The following MAGI2 variants were observed in gnomAD, a reference collection of about 807,000 sequenced individuals.
The protein encoded by MAGI2 is membrane-associated guanylate kinase, WW and PDZ domain-containing protein 2.
MAGI2 carries 35 observed loss-of-function variants against 133.3 expected under a neutral mutation model. The observed-to-expected ratio is 0.26, with a 90% confidence interval of 0.20 to 0.35. The LOEUF (loss-of-function observed/expected upper bound fraction) is 0.35, where lower values mean the gene tolerates loss of function less well. MAGI2 is among the 10% of genes least tolerant of loss of function. The pLI, the probability that MAGI2 is intolerant of heterozygous loss-of-function variation, is 1.00. For synonymous variants in MAGI2, 729 were observed against 710.6 expected (o/e 1.03, Z -0.41); for missense variants, 1,636 against 1,863.4 (o/e 0.88, Z 2.25).
At chr7:78,765,235 T>C (rs190268825) in intron 2 of MAGI2, among the ~76,000 whole-genome samples, 1 of 152,270 alleles carries the variant, frequency 6.6e-6, no homozygotes, top group Admixed American at 6.5e-5. Flanking sequence ...GTGAAGAGAA[T>C]TGCTCTTTGT....
At chr7:78,487,044 C>G (rs1382994709) in intron 6 of MAGI2, 1 of 493,964 alleles carries the variant, frequency 2.0e-6, no homozygotes, top group African/African-American at 1.9e-5. Context: ...GACCAATACA[C>G]TGAGGCAGGG....
chr7:78,874,848 C>T (rs531753656), intron 2 of MAGI2, among the ~76,000 whole-genome samples: 3 of 152,214 alleles, frequency 2.0e-5, no homozygotes, highest in Non-Finnish European at 4.4e-5. Flanking sequence ...GATCATTACA[C>T]ATTGTAACAA....
At chr7:78,514,086 C>CAAAAAA (rs67534111) in intron 4 of MAGI2, among the ~76,000 whole-genome samples, 1 of 47,198 alleles carries the variant, frequency 2.1e-5, no homozygotes, top group African/African-American at 8.8e-5. Flanking sequence ...GAAACTGTCT[C>CAAAAAA]AAAAAAAAAA....
chr7:78,282,342 CCAAGAGTCAG>C (rs1795697554), intron 9 of MAGI2, among the ~76,000 whole-genome samples: 1 of 152,078 alleles, frequency 6.6e-6, no homozygotes, highest in Non-Finnish European at 1.5e-5. Flanking sequence ...TTCTCTTAGA[CCAAGAGTCAG>C]CAAACTGTGA....
At chr7:78,289,129 C>T (rs1796443404) in intron 9 of MAGI2, among the ~76,000 whole-genome samples, 2 of 152,168 alleles carry the variant, frequency 1.3e-5, no homozygotes, top group Non-Finnish European at 2.9e-5. Context: ...CAGAAGTAGG[C>T]TTCAGATGAT....
At chr7:78,090,843 C>T (rs1362493909) in intron 20 of MAGI2, among the ~76,000 whole-genome samples, 2 of 152,138 alleles carry the variant, frequency 1.3e-5, no homozygotes, top group Admixed American at 1.3e-4. Context: ...AATAACCATG[C>T]CTTTGTTGGC....
chr7:79,347,895 G>A (rs1360699636), intron 1 of MAGI2, among the ~76,000 whole-genome samples: 1 of 151,880 alleles, frequency 6.6e-6, no homozygotes, highest in East Asian at 1.9e-4. Context: ...TACTAGTGCT[G>A]TATTATTTAG....
chr7:78,124,861 C>CTTTTTTTTTTTTT (rs10707820), intron 20 of MAGI2, among the ~76,000 whole-genome samples: 3 of 137,430 alleles, frequency 2.2e-5, no homozygotes, highest in Non-Finnish European at 4.7e-5. Flanking sequence ...TAGCTGCTGT[C>CTTTTTTTTTTTTT]TTTTTTTTTT....
chr7:79,393,111 T>A (rs535685913), intron 1 of MAGI2, among the ~76,000 whole-genome samples: 1 of 152,316 alleles, frequency 6.6e-6, no homozygotes, highest in African/African-American at 2.4e-5. Context: ...GGAAACTTGA[T>A]CATAATCTTT....
intron 1 of MAGI2, among the ~76,000 whole-genome samples, chr7:79,306,391 G>C (rs1006880050): frequency 6.7e-6 from 1 of 149,372 alleles, no homozygotes; most frequent in Non-Finnish European, 1.5e-5. Context: ...CAAACTCTTC[G>C]GCTTAAGTGA....
intron 1 of MAGI2, among the ~76,000 whole-genome samples, chr7:79,288,321 A>G (rs1391205261): frequency 6.6e-6 from 1 of 152,192 alleles, no homozygotes; most frequent in African/African-American, 2.4e-5. Flanking sequence ...TCTATAAAAC[A>G]TAATAGTGCC....
At chr7:79,301,383 G>A (rs1837386845) in intron 1 of MAGI2, among the ~76,000 whole-genome samples, 1 of 152,230 alleles carries the variant, frequency 6.6e-6, no homozygotes, top group Admixed American at 6.5e-5. Context: ...AATGTGCCCT[G>A]GATGTGGGAC....
chr7:78,360,952 G>A (rs113571291), intron 7 of MAGI2, among the ~76,000 whole-genome samples: 2 of 152,256 alleles, frequency 1.3e-5, no homozygotes, highest in Admixed American at 6.5e-5. Flanking sequence ...TTCCTGGGAC[G>A]TCAAGGGGTC....
chr7:79,165,671 T>C (rs1824837371), intron 1 of MAGI2, among the ~76,000 whole-genome samples: 2 of 152,100 alleles, frequency 1.3e-5, no homozygotes, highest in South Asian at 2.1e-4. Flanking sequence ...CAGACACATA[T>C]TTCCTGTAGT....
At position 78,865,356 on chromosome 7, in the gene MAGI2, G is replaced by C. The variant is rs140656444; in HGVS notation, c.418+141734C>G. Among the ~76,000 whole-genome samples the C allele has an allele frequency of 2.4e-3, 364 of 152,246 alleles. 3 individuals carry two copies. The highest frequency in any genetic ancestry group is 8.3e-3 in the African/African-American group (345 of 41,560). On this transcript the variant is annotated intron_variant, in intron 2 of 21. Coordinates refer to ENST00000354212, the MANE Select transcript of MAGI2 (RefSeq NM_012301.4). The stretch of plus-strand genomic sequence containing the variant: ...GAGTGCTTTGTGAGGAAGACCATTA[G>C]TCAAGGAGCTCTTAAAGGAAATTTG...
At chr7:78,093,098 T>C (rs1460707574) in intron 20 of MAGI2, among the ~76,000 whole-genome samples, 1 of 124,464 alleles carries the variant, frequency 8.0e-6, no homozygotes, top group East Asian at 2.4e-4. Flanking sequence ...ATTGAGCCAC[T>C]GCACTCCAGC....
chr7:78,461,772 G>A (rs865845911), intron 6 of MAGI2, among the ~76,000 whole-genome samples: 4 of 151,644 alleles, frequency 2.6e-5, no homozygotes, highest in African/African-American at 7.2e-5. Context: ...TTAGCTGGGC[G>A]TGGTGGTGCA....
At chr7:78,120,791 G>C (rs1323088994) in intron 20 of MAGI2, among the ~76,000 whole-genome samples, 1 of 151,458 alleles carries the variant, frequency 6.6e-6, no homozygotes, top group African/African-American at 2.4e-5. Context: ...CACGAGGTCA[G>C]GAGATCGAGA....
At position 78,672,936 on chromosome 7, in the gene MAGI2, C is replaced by G. The variant is rs966912385; in HGVS notation, c.419-45697G>C. 5.9e-5 allele frequency among the ~76,000 whole-genome samples: 9 copies of G among 152,286 alleles called. No individual in the cohort carries two copies. In the East Asian group the frequency reaches 1.5e-3, roughly 26 times the overall value. ...CTAGGGGGTTGCAACAAACTTTCAT[C>G]AATGGCTTTTATCATGCTTAGCCTA... On this transcript the variant is annotated intron_variant, in intron 2 of 21. Coordinates refer to ENST00000354212, the MANE Select transcript of MAGI2 (RefSeq NM_012301.4).
Sources: allele counts gnomAD v4.1 joint callset (sites outside exome capture counted in the v4.1 genomes callset), GRCh38; gene constraint gnomAD v4.1.1; transcripts MANE v1.5; gene names NCBI Gene and HGNC (gene_info 2026-07-23, HGNC 2026-07-21).